CALN1: variants seen among roughly 807,000 people sequenced by gnomAD.
CALN1 encodes the protein calcium-binding protein 8.
Under a neutral mutation model 30.6 loss-of-function variants are expected in CALN1, and 17 were observed. The observed-to-expected ratio is 0.56, with a 90% CI of 0.38 to 0.83. The LOEUF (loss-of-function observed/expected upper bound fraction) is 0.83, where lower values mean the gene tolerates loss of function less well. CALN1 is among the 40% of genes least tolerant of loss of function. CALN1 has a pLI of 0.00. For synonymous variants in CALN1, 156 were observed against 131.4 expected (o/e 1.19, Z -1.28); for missense variants, 291 against 354.9 (o/e 0.82, Z 1.45).
intron 5 of CALN1, among the ~76,000 whole-genome samples, chr7:71,882,822 T>A (rs1792656162): frequency 6.6e-6 from 1 of 151,720 alleles, no homozygotes; most frequent in South Asian, 2.1e-4. Flanking sequence ...TAGCTGGGAC[T>A]ATGGGCATGC....
intron 5 of CALN1, among the ~76,000 whole-genome samples, chr7:71,949,044 TAAAAAAAAAAAAAA>T (rs34370568): frequency 9.0e-5 from 6 of 66,906 alleles, no homozygotes; most frequent in Non-Finnish European, 1.3e-4. Context: ...CTCTGTCTCT[TAAAAAAAAAAAAAA>T]AAAAAAAAAA....
intron 2 of CALN1, among the ~76,000 whole-genome samples, chr7:72,308,998 A>G (rs1037580191): frequency 1.3e-5 from 2 of 152,204 alleles, no homozygotes; most frequent in African/African-American, 4.8e-5. Flanking sequence ...GTAATGTCTC[A>G]GTTATACCTT....
chr7:72,224,938 C>A (rs563499), intron 3 of CALN1, among the ~76,000 whole-genome samples: 1,609 of 149,006 alleles, frequency 0.011, 24 homozygotes, highest in African/African-American at 0.036. Flanking sequence ...TACACACACA[C>A]AAAAAAAAAA....
chr7:72,444,225 A>T (rs559571772), intron 1 of CALN1, among the ~76,000 whole-genome samples: 1 of 152,086 alleles, frequency 6.6e-6, no homozygotes, highest in East Asian at 2.0e-4. Context: ...AAGAGGAAGT[A>T]GCACATGAAG....
intron 2 of CALN1, among the ~76,000 whole-genome samples, chr7:72,356,065 A>G (rs1329436766): frequency 6.6e-6 from 1 of 152,212 alleles, no homozygotes; most frequent in Admixed American, 6.5e-5. Flanking sequence ...CACATTGTAT[A>G]CATGTATCAA....
At chr7:72,477,721 TA>T in the CALN1 span, among the ~76,000 whole-genome samples, 3 of 152,234 alleles carry the variant, frequency 2.0e-5, no homozygotes, top group South Asian at 6.2e-4. Flanking sequence ...CATGCCTGGA[TA>T]ATTTTTTCAT....
intron 5 of CALN1, among the ~76,000 whole-genome samples, chr7:71,828,759 G>GT (rs199959655): frequency 6.6e-6 from 1 of 150,450 alleles, no homozygotes; most frequent in Non-Finnish European, 1.5e-5. Context: ...GGTTTTGTGT[G>GT]TTTTTTTGAG....
intron 2 of CALN1, among the ~76,000 whole-genome samples, chr7:72,370,046 C>T (rs554161033): frequency 3.1e-4 from 47 of 152,202 alleles, no homozygotes; most frequent in African/African-American, 8.9e-4. Flanking sequence ...CACCAAACAC[C>T]GTTAATACAA....
intron 3 of CALN1, among the ~76,000 whole-genome samples, chr7:72,206,628 T>C (rs1791909465): frequency 1.3e-5 from 2 of 152,156 alleles, no homozygotes; most frequent in African/African-American, 4.8e-5. Flanking sequence ...TTTTCTTGTT[T>C]CATTGCCTAA....
intron 3 of CALN1, among the ~76,000 whole-genome samples, chr7:72,216,503 G>A (rs989968054): frequency 6.6e-6 from 1 of 152,068 alleles, no homozygotes; most frequent in Non-Finnish European, 1.5e-5. Flanking sequence ...CCATAATTCT[G>A]TGTATCATAG....
chr7:72,139,357 G>T (rs937441415), intron 3 of CALN1, among the ~76,000 whole-genome samples: 1 of 141,916 alleles, frequency 7.0e-6, no homozygotes, highest in African/African-American at 2.7e-5. Context: ...CCTCCACCAT[G>T]CCCACCCTGG....
intron 5 of CALN1, among the ~76,000 whole-genome samples, chr7:71,810,740 G>A (rs547235853): frequency 1.1e-4 from 16 of 152,038 alleles, no homozygotes; most frequent in South Asian, 2.1e-4. Context: ...AATGCCACCC[G>A]CCAGTCTGGT....
the CALN1 span, among the ~76,000 whole-genome samples, chr7:72,485,955 T>C: frequency 6.6e-6 from 1 of 152,222 alleles, no homozygotes. Flanking sequence ...TGTTCTTTTT[T>C]ATTTTTATTT....
chr7:72,234,320 C>A (rs1337201694), intron 3 of CALN1, among the ~76,000 whole-genome samples: 1 of 152,208 alleles, frequency 6.6e-6, no homozygotes, highest in Non-Finnish European at 1.5e-5. Flanking sequence ...ATTCCTCCAG[C>A]CAGCAAAGTA....
intron 2 of CALN1, among the ~76,000 whole-genome samples, chr7:72,334,566 C>T (rs1801886124): frequency 6.6e-6 from 1 of 152,114 alleles, no homozygotes; most frequent in African/African-American, 2.4e-5. Context: ...GTGTGTCAAT[C>T]AAGTCTTGCC....
At chr7:72,300,324 ACT>A (rs766640448) in intron 2 of CALN1, among the ~76,000 whole-genome samples, 2 of 151,890 alleles carry the variant, frequency 1.3e-5, no homozygotes, top group Admixed American at 6.6e-5. Context: ...TGACCCTGTA[ACT>A]CTATTTTTTT....
intron 5 of CALN1, among the ~76,000 whole-genome samples, chr7:72,003,038 T>A (rs1799603259): frequency 6.6e-6 from 1 of 152,166 alleles, no homozygotes; most frequent in South Asian, 2.1e-4. Context: ...GAGATTAGAT[T>A]TTAAATGATC....
At chr7:72,171,495 T>C (rs764101221) in intron 3 of CALN1, among the ~76,000 whole-genome samples, 5 of 152,086 alleles carry the variant, frequency 3.3e-5, no homozygotes, top group Non-Finnish European at 7.4e-5. Context: ...CTAAAATGCA[T>C]GGTGACTGAT....
chr7:71,884,394 G>A (rs1792773510), intron 5 of CALN1, among the ~76,000 whole-genome samples: 1 of 152,108 alleles, frequency 6.6e-6, no homozygotes, highest in Non-Finnish European at 1.5e-5. Flanking sequence ...ACTGGACAGG[G>A]CGGACACATC....
Sources: gnomAD v4.1 joint callset for allele counts (sites outside exome capture counted in the v4.1 genomes callset) on GRCh38, gnomAD v4.1.1 for gene constraint, MANE v1.5 for transcripts, NCBI Gene and HGNC (gene_info 2026-07-23, HGNC 2026-07-21) for gene names.